Variants in RPS6KC1 observed in about 807,000 individuals in gnomAD.
The protein encoded by RPS6KC1 is ribosomal protein S6 kinase C1.
In RPS6KC1, 54 loss-of-function variants were observed where a neutral mutation model predicts 103.8. The ratio of observed to expected loss-of-function variants is 0.52; its 90% confidence interval spans 0.42 to 0.65. RPS6KC1 has a LOEUF of 0.65. Ranked by LOEUF, RPS6KC1 falls within the 30% of genes least tolerant of loss-of-function variation. RPS6KC1 has a pLI of 0.00. For synonymous variants in RPS6KC1, 439 were observed against 438.7 expected, an observed-to-expected ratio of 1.00 and a Z score of -0.01; for missense variants, 1,151 against 1,253.8, an observed-to-expected ratio of 0.92 and a Z score of 1.24.
At chr1:213,805,130 G>A in the RPS6KC1 span, among the ~76,000 whole-genome samples, 1 of 152,154 alleles carries the variant, frequency 6.6e-6, no homozygotes, top group African/African-American at 2.4e-5. Context: ...CAGCGAATTG[G>A]CACCTTTTTG....
At chr1:213,582,926 C>T in the RPS6KC1 span, among the ~76,000 whole-genome samples, 1 of 152,156 alleles carries the variant, frequency 6.6e-6, no homozygotes, top group Non-Finnish European at 1.5e-5. Flanking sequence ...GTTCCCCTCA[C>T]CCATGGCCTA....
chr1:213,517,718 G>A, the RPS6KC1 span, among the ~76,000 whole-genome samples: 1 of 152,192 alleles, frequency 6.6e-6, no homozygotes, highest in South Asian at 2.1e-4. Context: ...GATTTGGGGT[G>A]GAAAGTTCTG....
At chr1:213,396,596 C>G in the RPS6KC1 span, among the ~76,000 whole-genome samples, 1 of 152,200 alleles carries the variant, frequency 6.6e-6, no homozygotes, top group Non-Finnish European at 1.5e-5. Context: ...TCACTACCTT[C>G]TTTTGTGTGG....
the RPS6KC1 span, among the ~76,000 whole-genome samples, chr1:213,560,155 A>G: frequency 4.6e-5 from 7 of 152,202 alleles, no homozygotes; most frequent in Non-Finnish European, 8.8e-5. Flanking sequence ...AGCCCCTGAT[A>G]TACACATACC....
intron 2 of RPS6KC1, among the ~76,000 whole-genome samples, chr1:213,076,872 CTT>C (rs397944007): frequency 1.9e-4 from 28 of 143,666 alleles, no homozygotes; most frequent in African/African-American, 1.5e-4. Context: ...TCAGTTTATC[CTT>C]TTTTTTTTTT....
intron 12 of RPS6KC1, among the ~76,000 whole-genome samples, chr1:213,254,310 A>G (rs1284271772): frequency 1.3e-5 from 2 of 152,216 alleles, no homozygotes; most frequent in Non-Finnish European, 2.9e-5. Flanking sequence ...AAATTTAATC[A>G]GGAGCTGATT....
the RPS6KC1 span, among the ~76,000 whole-genome samples, chr1:213,844,009 AAAAG>A: frequency 5.3e-5 from 8 of 152,144 alleles, no homozygotes; most frequent in African/African-American, 1.7e-4. Context: ...GGGAAAAAAA[AAAAG>A]AAGAAGAGAA....
chr1:213,435,100 T>TA, the RPS6KC1 span, among the ~76,000 whole-genome samples: 134 of 152,328 alleles, frequency 8.8e-4, no homozygotes, highest in Middle Eastern at 3.4e-3. Context: ...TGCTTCATTT[T>TA]AAATAGTTTT....
intron 8 of RPS6KC1, among the ~76,000 whole-genome samples, chr1:213,196,886 G>T (rs2092968497): frequency 6.6e-6 from 1 of 152,088 alleles, no homozygotes; most frequent in African/African-American, 2.4e-5. Flanking sequence ...GCCCGGGCTG[G>T]GGTGCAATGG....
At chr1:213,744,156 A>C in the RPS6KC1 span, among the ~76,000 whole-genome samples, 1 of 152,108 alleles carries the variant, frequency 6.6e-6, no homozygotes, top group East Asian at 1.9e-4. Context: ...GAGGGATAAA[A>C]GACTACATGG....
chr1:213,568,210 T>C, the RPS6KC1 span, among the ~76,000 whole-genome samples: 5 of 152,358 alleles, frequency 3.3e-5, no homozygotes, highest in African/African-American at 1.2e-4. Flanking sequence ...TGCCCTGGTT[T>C]GCCTAGGATA....
the RPS6KC1 span, among the ~76,000 whole-genome samples, chr1:213,314,778 A>G: frequency 1.3e-5 from 2 of 151,958 alleles, no homozygotes; most frequent in African/African-American, 4.8e-5. Context: ...ATAATATGAT[A>G]TTTAGTTAAA....
At chr1:213,542,671 G>A in the RPS6KC1 span, among the ~76,000 whole-genome samples, 1 of 151,892 alleles carries the variant, frequency 6.6e-6, no homozygotes, top group Non-Finnish European at 1.5e-5. Context: ...GAGTCTTAAG[G>A]GTTTCTTAAT....
chr1:213,655,922 A>G, the RPS6KC1 span, among the ~76,000 whole-genome samples: 3 of 152,122 alleles, frequency 2.0e-5, no homozygotes, highest in Non-Finnish European at 4.4e-5. Flanking sequence ...AAGCCTCTAA[A>G]TCTTTCAGTT....
intron 1 of RPS6KC1, among the ~76,000 whole-genome samples, chr1:213,065,104 G>A (rs1022170649): frequency 1.3e-5 from 2 of 150,974 alleles, no homozygotes; most frequent in Non-Finnish European, 1.5e-5. Flanking sequence ...AGCCTCCCGA[G>A]TAGCTGGGAT....
At chr1:213,363,764 T>TTC in the RPS6KC1 span, among the ~76,000 whole-genome samples, 86 of 13,460 alleles carry the variant, frequency 6.4e-3, 3 homozygotes, top group Admixed American at 0.031. Flanking sequence ...TCTCTCTTCT[T>TTC]TCTTTCTTTC....
At chr1:213,636,373 G>A in the RPS6KC1 span, among the ~76,000 whole-genome samples, 3 of 152,150 alleles carry the variant, frequency 2.0e-5, no homozygotes, top group East Asian at 5.8e-4. Context: ...TATACTACAA[G>A]GCTACAGTAA....
chr1:213,141,900 G>A (rs2087086998), intron 6 of RPS6KC1, among the ~76,000 whole-genome samples: 1 of 151,564 alleles, frequency 6.6e-6, no homozygotes, highest in Non-Finnish European at 1.5e-5. Flanking sequence ...TTAGTCAAAC[G>A]TTGAGTTTTG....
chr1:213,555,233 C>T, the RPS6KC1 span, among the ~76,000 whole-genome samples: 1 of 152,164 alleles, frequency 6.6e-6, no homozygotes. Context: ...TTGAAAGTGC[C>T]ACTGAAGAAT....
Sources: gnomAD v4.1 joint callset for allele counts (sites outside exome capture counted in the v4.1 genomes callset) on GRCh38, gnomAD v4.1.1 for gene constraint, MANE v1.5 for transcripts, NCBI Gene and HGNC (gene_info 2026-07-23, HGNC 2026-07-21) for gene names.